Variants in AGBL3 observed in about 807,000 individuals in gnomAD.
AGBL3 encodes cytosolic carboxypeptidase 3.
A neutral mutation model predicts 94.5 loss-of-function variants in AGBL3; 68 were observed. The ratio of observed to expected loss-of-function variants is 0.72; its 90% CI spans 0.59 to 0.88. AGBL3 has a LOEUF of 0.88. AGBL3 is among the 40% of genes least tolerant of loss of function. The pLI, the probability that AGBL3 is intolerant of heterozygous loss-of-function variation, is 0.00. For missense variants in AGBL3, 934 were observed against 1,103.8 expected, an observed-to-expected ratio of 0.85 and a Z score of 2.18; for synonymous variants, 354 against 370.7, an observed-to-expected ratio of 0.95 and a Z score of 0.52.
intron 16 of AGBL3, among the ~76,000 whole-genome samples, chr7:135,124,065 G>T (rs1827513987): frequency 6.6e-6 from 1 of 152,066 alleles, no homozygotes; most frequent in South Asian, 2.1e-4. Flanking sequence ...AATGTAAATG[G>T]GCTAAATGCC....
chr7:135,022,122 C>A (rs12707197), intron 5 of AGBL3, among the ~76,000 whole-genome samples: 141,724 of 152,270 alleles, frequency 0.93, 66,739 homozygotes, highest in Non-Finnish European at 1. Flanking sequence ...GTGATGCAAT[C>A]AACATACATG....
chr7:135,080,858 ATG>A (rs930731707), intron 14 of AGBL3, among the ~76,000 whole-genome samples: 1 of 140,338 alleles, frequency 7.1e-6, no homozygotes, highest in Non-Finnish European at 1.6e-5. Flanking sequence ...CTAATTTTTT[ATG>A]TGTGTGTGTA....
At chr7:135,028,427 G>C (rs1815383250) in intron 5 of AGBL3, among the ~76,000 whole-genome samples, 1 of 152,134 alleles carries the variant, frequency 6.6e-6, no homozygotes, top group African/African-American at 2.4e-5. Flanking sequence ...ATCTTTACCA[G>C]TAATAAATTT....
intron 6 of AGBL3, 26 bp downstream of exon 6, chr7:135,033,008 G>A (rs1482385253): frequency 1.3e-6 from 2 of 1,515,262 alleles, no homozygotes; most frequent in Non-Finnish European, 1.8e-6. Flanking sequence ...TTTTATTTAA[G>A]GAGCTAGACC....
At chr7:135,112,157 C>T (rs1213565700) in intron 15 of AGBL3, among the ~76,000 whole-genome samples, 1 of 152,224 alleles carries the variant, frequency 6.6e-6, no homozygotes, top group Non-Finnish European at 1.5e-5. Context: ...CCTAATGCTA[C>T]CGCTAATTCA....
chr7:135,068,057 G>A (rs927915668), intron 12 of AGBL3, among the ~76,000 whole-genome samples: 2 of 152,208 alleles, frequency 1.3e-5, no homozygotes, highest in East Asian at 3.8e-4. Flanking sequence ...TGATGGAGCT[G>A]AAAACCATGG....
chr7:135,016,536 A>G (rs1436892197), intron 4 of AGBL3, among the ~76,000 whole-genome samples: 2 of 152,120 alleles, frequency 1.3e-5, no homozygotes, highest in East Asian at 3.9e-4. Flanking sequence ...AGTGCAGATG[A>G]TGTTTAAGAA....
At chr7:134,999,876 A>T (rs1196449262) in intron 4 of AGBL3, among the ~76,000 whole-genome samples, 1 of 152,246 alleles carries the variant, frequency 6.6e-6, no homozygotes, top group Non-Finnish European at 1.5e-5. Flanking sequence ...GTAGTACAGT[A>T]GTCTTCCAAA....
intron 15 of AGBL3, among the ~76,000 whole-genome samples, chr7:135,106,810 C>A (rs776688799): frequency 3.3e-5 from 5 of 152,118 alleles, no homozygotes; most frequent in Non-Finnish European, 4.4e-5. Context: ...CTTTGTACAT[C>A]TGATTGAATT....
At position 135,084,940 on chromosome 7, in the gene AGBL3, C is replaced by T. The variant is rs572056251; in HGVS notation, c.2110+3150C>T. Among the ~76,000 whole-genome samples the T allele has an allele frequency of 2.0e-5, 3 of 152,178 alleles. No homozygotes were observed. The South Asian group carries it at 6.2e-4, about 32-fold the overall frequency. On this transcript the variant is annotated intron_variant, in intron 15 of 16. Coordinates refer to ENST00000436302, the MANE Select transcript of AGBL3 (RefSeq NM_178563.4). ...TCCATATTATTCTCCATAATGACTGCACAAATTTGCATTCCCACCAAAAGT... is the reference window on the plus strand; with the variant it reads ...TCCATATTATTCTCCATAATGACTGTACAAATTTGCATTCCCACCAAAAGT...
intron 15 of AGBL3, among the ~76,000 whole-genome samples, chr7:135,111,715 A>T (rs1373955425): frequency 6.6e-6 from 1 of 152,170 alleles, no homozygotes; most frequent in Non-Finnish European, 1.5e-5. Flanking sequence ...GAAATATGTG[A>T]AGAGGAGCCC....
chr7:134,990,613 G>C lies in AGBL3; in HGVS notation c.124+1303G>C, dbSNP rs74400644. Among the ~76,000 whole-genome samples the C allele has an allele frequency of 1.5e-4, 23 of 152,226 alleles. 1 individual carries two copies. The East Asian group carries it at 4.4e-3, about 29-fold the overall frequency. ...TTGTTTCTCATGGGTAAATCCCTAG[G>C]AATAGTATTATTGGGTTATATGCTA... On this transcript the variant is annotated intron_variant, in intron 3 of 16. Coordinates refer to ENST00000436302, the MANE Select transcript of AGBL3 (RefSeq NM_178563.4).
At chr7:135,093,650 C>T (rs1385269597) in intron 15 of AGBL3, 3 of 152,088 alleles carry the variant, frequency 2.0e-5, no homozygotes, top group African/African-American at 7.2e-5. Flanking sequence ...GGTCATGGAT[C>T]AGAAGATTTA....
At chr7:135,070,856 G>C (rs1283367569) in intron 12 of AGBL3, among the ~76,000 whole-genome samples, 1 of 152,104 alleles carries the variant, frequency 6.6e-6, no homozygotes, top group Non-Finnish European at 1.5e-5. Flanking sequence ...ATTCAACATA[G>C]TGTTGGAAGT....
intron 11 of AGBL3, among the ~76,000 whole-genome samples, chr7:135,052,805 CAT>C (rs1817996986): frequency 6.6e-6 from 1 of 152,160 alleles, no homozygotes; most frequent in African/African-American, 2.4e-5. Context: ...TAATATATAT[CAT>C]GTGTTATCTA....
intron 3 of AGBL3, among the ~76,000 whole-genome samples, chr7:134,992,011 T>C (rs2718158): frequency 0.045 from 6,828 of 152,296 alleles, 480 homozygotes; most frequent in African/African-American, 0.15. Flanking sequence ...CAGATAGTTA[T>C]GTTTTTGTAT....
At chr7:135,014,219 A>AAAAAC (rs1813501026) in intron 4 of AGBL3, among the ~76,000 whole-genome samples, 3 of 126,062 alleles carry the variant, frequency 2.4e-5, no homozygotes, top group African/African-American at 8.4e-5. Context: ...AAAAAAAAAA[A>AAAAAC]AAAAAAAACC....
chr7:135,101,127 T>G (rs1462119817), intron 15 of AGBL3: 1 of 454,348 alleles, frequency 2.2e-6, no homozygotes, highest in Non-Finnish European at 4.4e-6. Flanking sequence ...CACAAACATT[T>G]TTTAGAAATC....
At chr7:135,033,122 TGGA>T in intron 6 of AGBL3, 140 bp downstream of exon 6, 1 of 937,960 alleles carries the variant, frequency 1.1e-6, no homozygotes, top group South Asian at 2.4e-5. Context: ...GAAATTGTTG[TGGA>T]GGAGGGGAGT....
Sources: allele counts gnomAD v4.1 joint callset (sites outside exome capture counted in the v4.1 genomes callset), GRCh38; gene constraint gnomAD v4.1.1; transcripts MANE v1.5; gene names NCBI Gene and HGNC (gene_info 2026-07-23, HGNC 2026-07-21).